The following HMOX2 variants were observed in gnomAD, a reference collection of about 807,000 sequenced individuals.
HMOX2 encodes the protein heme oxygenase 2.
A neutral mutation model predicts 33.7 loss-of-function variants in HMOX2; 30 were observed. The ratio of observed to expected loss-of-function variants is 0.89; its 90% confidence interval spans 0.67 to 1.21. HMOX2 has a LOEUF of 1.21. HMOX2 is among the 50% of genes most tolerant of loss of function. The pLI, the probability that HMOX2 is intolerant of heterozygous loss-of-function variation, is 0.00. For synonymous variants in HMOX2, 155 were observed against 155.0 expected (o/e 1.00, Z 0.00); for missense variants, 403 against 399.1 (o/e 1.01, Z -0.08).
chr16:4,480,639 T>C (rs1247661023), intron 1 of HMOX2, among the ~76,000 whole-genome samples: 1 of 144,988 alleles, frequency 6.9e-6, no homozygotes, highest in African/African-American at 2.6e-5. Flanking sequence ...CGTGCCCGGC[T>C]AAGGGCCTAC....
chr16:4,474,849 T>A (rs1165134799), upstream of HMOX2: 1 of 152,244 alleles, frequency 6.6e-6, no homozygotes. Context: ...AATTTTCAGG[T>A]ATTGGGCGTC....
intron 1 of HMOX2, among the ~76,000 whole-genome samples, chr16:4,477,091 G>C (rs2057874154): frequency 6.6e-6 from 1 of 152,146 alleles, no homozygotes; most frequent in African/African-American, 2.4e-5. Flanking sequence ...TAGTCCGGAC[G>C]CGGGTTTACC....
At chr16:4,475,450 G>A (rs1267017603), upstream of HMOX2, among the ~76,000 whole-genome samples, 1 of 151,128 alleles carries the variant, frequency 6.6e-6, no homozygotes, top group Non-Finnish European at 1.5e-5. Context: ...TGGGATTACA[G>A]GCAGGAGCCA....
chr16:4,475,007 A>T (rs1456191010), upstream of HMOX2: 3 of 151,982 alleles, frequency 2.0e-5, no homozygotes, highest in African/African-American at 7.3e-5. Flanking sequence ...GCTGGTGTGC[A>T]GTGGCGCGAT....
chr16:4,491,859 T>G (rs1413210779), intron 1 of HMOX2, among the ~76,000 whole-genome samples: 1 of 152,000 alleles, frequency 6.6e-6, no homozygotes, highest in Admixed American at 6.6e-5. Flanking sequence ...AGTTTTTGTA[T>G]TTTTAGTAGA....
intron 1 of HMOX2, chr16:4,495,658 C>T (rs1027868866): frequency 1.1e-4 from 17 of 152,214 alleles, no homozygotes; most frequent in Admixed American, 3.3e-4. Context: ...TACTTTCTAT[C>T]CATTGCACTA....
chr16:4,508,460 G>T (rs1305477190), intron 4 of HMOX2, among the ~76,000 whole-genome samples: 2 of 152,168 alleles, frequency 1.3e-5, no homozygotes, highest in African/African-American at 4.8e-5. Context: ...AGAGGGGTCT[G>T]GAAGAATGGA....
At chr16:4,480,851 A>T (rs1298931259) in intron 1 of HMOX2, among the ~76,000 whole-genome samples, 6 of 149,440 alleles carry the variant, frequency 4.0e-5, no homozygotes, top group Non-Finnish European at 5.9e-5. Flanking sequence ...ACGGGGTTTC[A>T]CCATGTTAGT....
chr16:4,491,808 T>C (rs1567388645), intron 1 of HMOX2, among the ~76,000 whole-genome samples: 1 of 151,900 alleles, frequency 6.6e-6, no homozygotes. Flanking sequence ...TCCCAGGTTC[T>C]GAGAAGCTAG....
chr16:4,502,250 C>A (rs1018933613), intron 1 of HMOX2, among the ~76,000 whole-genome samples: 2 of 152,140 alleles, frequency 1.3e-5, no homozygotes, highest in Admixed American at 6.6e-5. Flanking sequence ...CGGAGAAGCA[C>A]AAGGACTTGT....
chr16:4,506,289 C>T (rs2058690347), intron 2 of HMOX2, among the ~76,000 whole-genome samples: 1 of 152,170 alleles, frequency 6.6e-6, no homozygotes, highest in African/African-American at 2.4e-5. Context: ...TCCATCCATC[C>T]ACACACCTTT....
chr16:4,487,618 G>A (rs1338986911), intron 1 of HMOX2, among the ~76,000 whole-genome samples: 2 of 152,080 alleles, frequency 1.3e-5, no homozygotes, highest in African/African-American at 4.8e-5. Flanking sequence ...CCTGTGAATG[G>A]CGAAACCCCG....
chr16:4,500,134 A>G (rs1469122939), intron 1 of HMOX2, among the ~76,000 whole-genome samples: 2 of 152,210 alleles, frequency 1.3e-5, no homozygotes, highest in Non-Finnish European at 2.9e-5. Context: ...AACTGGGAAG[A>G]CAGGATGACA....
chr16:4,475,609 G>C (rs1365602638), upstream of HMOX2, among the ~76,000 whole-genome samples: 1 of 151,744 alleles, frequency 6.6e-6, no homozygotes, highest in African/African-American at 2.4e-5. Flanking sequence ...ACCACACCCG[G>C]CCCACGATTT....
chr16:4,491,628 G>A (rs1445696428), intron 1 of HMOX2, among the ~76,000 whole-genome samples: 1 of 151,816 alleles, frequency 6.6e-6, no homozygotes, highest in Non-Finnish European at 1.5e-5. Flanking sequence ...CTCCAGCCTG[G>A]GTGACAAAGT....
At chr16:4,476,892 C>A (rs2057863997) in intron 1 of HMOX2, among the ~76,000 whole-genome samples, 1 of 152,160 alleles carries the variant, frequency 6.6e-6, no homozygotes, top group Non-Finnish European at 1.5e-5. Flanking sequence ...CAGGGGATGC[C>A]GGCAGAGATT....
intron 1 of HMOX2, among the ~76,000 whole-genome samples, chr16:4,481,199 A>G (rs1165512890): frequency 6.6e-6 from 1 of 151,790 alleles, no homozygotes; most frequent in Non-Finnish European, 1.5e-5. Context: ...TACAAAAAAA[A>G]TTAGCCGGGC....
rs2058795588 is a variant in HMOX2, at chr16:4,509,853, T to TA, written c.*103dup. On this transcript the variant is annotated 3_prime_UTR_variant, in exon 6 of 6. Coordinates refer to ENST00000570646, the MANE Select transcript of HMOX2 (RefSeq NM_002134.4). Reference sequence around the variant, plus strand: ...TAAACTACCACCTCAGGTGACTTTTTAAAAAATGCTGGGTTTAAGAAAGGC... The same window carrying TA: ...TAAACTACCACCTCAGGTGACTTTTTAAAAAAATGCTGGGTTTAAGAAAGGC... The TA allele has an allele frequency of 7.2e-7, 1 of 1,387,274 alleles. No homozygotes were observed. The highest frequency in any genetic ancestry group is 1.5e-5 in the African/African-American group (1 of 68,702). 85.9% of individuals were successfully genotyped at this position (1,387,274 alleles called of 1,614,324 possible).
chr16:4,498,402 A>G (rs1402431918), intron 1 of HMOX2, among the ~76,000 whole-genome samples: 2 of 141,056 alleles, frequency 1.4e-5, no homozygotes, highest in East Asian at 2.0e-4. Context: ...TTTTTTTTGC[A>G]TCTCACTCCC....
Sources: gnomAD v4.1 joint callset for allele counts (sites outside exome capture counted in the v4.1 genomes callset) on GRCh38, gnomAD v4.1.1 for gene constraint, MANE v1.5 for transcripts, NCBI Gene and HGNC (gene_info 2026-07-23, HGNC 2026-07-21) for gene names.